ZNF276: variants seen among roughly 807,000 people sequenced by gnomAD.
ZNF276 encodes the protein centromere protein Z.
Under a neutral mutation model 63.9 loss-of-function variants are expected in ZNF276, and 59 were observed. The observed-to-expected ratio is 0.92, with a 90% CI of 0.75 to 1.15. ZNF276 has a LOEUF of 1.15. ZNF276 is among the 50% of genes most tolerant of loss of function. The pLI is 0.00. For missense variants in ZNF276, 1,084 were observed against 843.8 expected (o/e 1.28, Z -3.53); for synonymous variants, 496 against 348.4 (o/e 1.42, Z -4.72).
At chr16:89,734,399 C>A (rs1281335906) in intron 9 of ZNF276, among the ~76,000 whole-genome samples, 3 of 152,128 alleles carry the variant, frequency 2.0e-5, no homozygotes, top group Non-Finnish European at 4.4e-5. Flanking sequence ...CATCTTGGCT[C>A]ACCACAACCT....
At chr16:89,730,664 C>T (rs1024585485) in intron 6 of ZNF276, among the ~76,000 whole-genome samples, 1 of 152,160 alleles carries the variant, frequency 6.6e-6, no homozygotes, top group African/African-American at 2.4e-5. Context: ...TCAGTGGAAA[C>T]CGCTGCGCAG....
chr16:89,734,245 C>G (rs1415761936), intron 9 of ZNF276, among the ~76,000 whole-genome samples: 3 of 152,224 alleles, frequency 2.0e-5, no homozygotes, highest in Admixed American at 2.0e-4. Context: ...GGAAGGAATT[C>G]CTGACTTCCC....
At chr16:89,727,581 C>T (rs752750989) in intron 5 of ZNF276, among the ~76,000 whole-genome samples, 33 of 152,182 alleles carry the variant, frequency 2.2e-4, no homozygotes, top group Non-Finnish European at 3.5e-4. Flanking sequence ...CTCGAGGTGG[C>T]GGGAGAGGAG....
upstream of ZNF276, chr16:89,721,531 T>TCCCCCG (rs1480472577): frequency 1.7e-5 from 16 of 927,894 alleles, no homozygotes; most frequent in Non-Finnish European, 2.2e-5. Context: ...GCTCCGCCCC[T>TCCCCCG]CCCCCGCCCC....
chr16:89,728,202 CTT>C (rs71389418), intron 5 of ZNF276, among the ~76,000 whole-genome samples: 120 of 124,836 alleles, frequency 9.6e-4, no homozygotes, highest in East Asian at 4.6e-3. Context: ...GGCCACAAAT[CTT>C]TTTTTTTTTT....
chr16:89,724,898 A>G (rs904107702), intron 4 of ZNF276, among the ~76,000 whole-genome samples: 3 of 152,076 alleles, frequency 2.0e-5, no homozygotes, highest in African/African-American at 4.8e-5. Context: ...CTATGTATCT[A>G]CTTATCTACC....
rs748855929 is a variant in ZNF276 at position 89,722,707 on chromosome 16, G to C, written c.382G>C (p.Asp128His). The C allele has an allele frequency of 1.3e-5, 21 of 1,612,250 alleles. No individual in the cohort carries two copies. Among genetic ancestry groups the C allele is most frequent in the Middle Eastern group, 3.3e-4 (2 of 6,084 alleles). Residue 128 changes from aspartate (D) to histidine (H), a missense_variant, in exon 2 of 11, where the codon GAC becomes CAC. Physicochemically the swap from Asp to His is moderately conservative, Grantham distance 81. Transcript: ENST00000443381. ...QRLLGVAVRQ[D>H]PTLSPFVCKS... ...CCTGCTTGGTGTGGCTGTCCGCCAG[G>C]ACCCCACCTTGTCTCCGTTTGTCTG...
At chr16:89,737,681 C>G in intron 9 of ZNF276, 125 bp from the exon 10 acceptor site, 1 of 1,536,802 alleles carries the variant, frequency 6.5e-7, no homozygotes, top group Non-Finnish European at 8.8e-7. Context: ...CTTGCTTGGG[C>G]CCACTGCATG....
At position 89,729,266 on chromosome 16, in the gene ZNF276, A is replaced by G. The variant is rs750006832; in HGVS notation, c.1117A>G (p.Lys373Glu). The G allele has an allele frequency of 6.2e-7, 1 of 1,614,164 alleles. No homozygotes were observed. The highest frequency in any genetic ancestry group is 1.1e-5 in the South Asian group (1 of 91,088). The part of the protein sequence containing the change: ...DVLSEDENDK[K>E]QNAQSSDESF... ...CTTGAGTGAAGATGAAAATGACAAG[A>G]AGCAAAATGCCCAGTCTTCGGACGA... The change falls in exon 6 of 11, where the codon AAG becomes GAG. Residue 373 changes from lysine (K) to glutamate (E), a missense_variant. Transcript: ENST00000443381.
chr16:89,730,666 G>A (rs748393980), intron 6 of ZNF276, among the ~76,000 whole-genome samples: 1 of 152,192 alleles, frequency 6.6e-6, no homozygotes, highest in East Asian at 1.9e-4. Context: ...AGTGGAAACC[G>A]CTGCGCAGGA....
chr16:89,733,599 G>A, intron 8 of ZNF276, 42 bp downstream of exon 8: 2 of 1,606,256 alleles, frequency 1.2e-6, no homozygotes, highest in Non-Finnish European at 8.5e-7. Context: ...GCAGCTGTCA[G>A]TGTGAACCTG....
chr16:89,739,199 GAGCTGGACCAGCTTCAA>G lies in ZNF276; in HGVS notation c.*954_*970del. 6.2e-7 allele frequency: 1 copy of G among 1,614,194 alleles called. No homozygotes were observed. Among genetic ancestry groups the G allele is most frequent in the Non-Finnish European group, 8.5e-7 (1 of 1,180,052 alleles). On this transcript the variant is annotated 3_prime_UTR_variant, in exon 11 of 11. Transcript: ENST00000443381. ...CTGTGCTTGTATCCCCAGCCACGAAGAGCTGGACCAGCTTCAAGTACATGTCCACAGCAACATGCAGG... is the reference window on the plus strand; with the variant it reads ...CTGTGCTTGTATCCCCAGCCACGAAGGTACATGTCCACAGCAACATGCAGG...
At chr16:89,723,214 G>A (rs1428403306) in intron 3 of ZNF276, 31 bp downstream of exon 3, 1 of 1,613,050 alleles carries the variant, frequency 6.2e-7, no homozygotes, top group African/African-American at 1.3e-5. Context: ...GGGTGGGCTG[G>A]GTGCCGACCA....
intron 6 of ZNF276, 90 bp downstream of exon 6, chr16:89,729,408 C>T: frequency 1.8e-6 from 2 of 1,141,568 alleles, no homozygotes; most frequent in South Asian, 2.5e-5. Context: ...GGTGCCCACT[C>T]AGTTCACTCT....
In ZNF276 at chr16:89,738,134, C is replaced by T. The variant is rs766890599; in HGVS notation, c.1733C>T (p.Pro578Leu). The T allele has an allele frequency of 1.3e-5, 21 of 1,613,714 alleles. No homozygotes were observed. Among genetic ancestry groups the T allele is most frequent in the East Asian group, 8.9e-5 (4 of 44,872 alleles). Residue 578 changes from proline (P) to leucine (L), a missense_variant, in exon 11 of 11, where the codon CCG becomes CTG. Coordinates refer to ENST00000443381, the MANE Select transcript of ZNF276 (RefSeq NM_001113525.2). Reference sequence around the variant, plus strand: ...AATGTACACATGTCCATGGTGCACCCGCTGACACAGACCCAGGACAAGGCC... The same window carrying T: ...AATGTACACATGTCCATGGTGCACCTGCTGACACAGACCCAGGACAAGGCC... ...NLNVHMSMVH[P>L]LTQTQDKALP...
chr16:89,740,195 T>C lies in ZNF276; in HGVS notation c.*1949T>C, dbSNP rs1336532696. ...TCAGCACAGAAGAGGGCATTTCCTC[T>C]TTGCTTATTGTAAGTCTTAAAACTG... On this transcript the variant is annotated 3_prime_UTR_variant, in exon 11 of 11. Transcript: ENST00000443381. 1 of 993,358 alleles carries C rather than the reference T, an allele frequency of 1.0e-6. No homozygotes were observed. The highest frequency in any genetic ancestry group is 1.7e-5 in the Admixed American group (1 of 58,956). The allele number at this position is 993,358 out of a possible 1,614,324, so 61.5% of individuals were successfully genotyped here.
rs752700058 is a variant in ZNF276 at position 89,739,083 on chromosome 16, C to T, written c.*837C>T. On this transcript the variant is annotated 3_prime_UTR_variant, in exon 11 of 11. Coordinates refer to ENST00000443381, the MANE Select transcript of ZNF276 (RefSeq NM_001113525.2). ...CGGAACATTCTTTGGCAGAAGGAGC[C>T]TCCGGCTGGGGGGAGCTCCCCTGGA... 5 of 1,613,800 alleles carry T rather than the reference C, an allele frequency of 3.1e-6. No individual in the cohort carries two copies. The highest frequency in any genetic ancestry group is 1.3e-5 in the African/African-American group (1 of 74,934).
At position 89,737,787 on chromosome 16, in the gene ZNF276, C is replaced by T. The variant is rs926366512; in HGVS notation, c.1475-19C>T. 1.2e-6 allele frequency: 2 copies of T among 1,614,134 alleles called. No individual in the cohort carries two copies. The highest frequency in any genetic ancestry group is 2.2e-5 in the South Asian group (2 of 91,042). On this transcript the variant is annotated intron_variant, in intron 9 of 10. Coordinates refer to ENST00000443381, the MANE Select transcript of ZNF276 (RefSeq NM_001113525.2). ...TTGGAGCATCAGGGGCCTGGACTCA[C>T]TGGACTCTCCCCTCTCAGAGGTGCG...
intron 5 of ZNF276, among the ~76,000 whole-genome samples, chr16:89,728,113 G>A (rs564141110): frequency 1.3e-5 from 2 of 152,202 alleles, no homozygotes; most frequent in Admixed American, 1.3e-4. Flanking sequence ...TCGGGCAGGT[G>A]CCAGGAGGCA....
Sources: gnomAD v4.1 joint callset for allele counts (sites outside exome capture counted in the v4.1 genomes callset) on GRCh38, gnomAD v4.1.1 for gene constraint, MANE v1.5 for transcripts, NCBI Gene and HGNC (gene_info 2026-07-23, HGNC 2026-07-21) for gene names.